DSCAML1: variants seen among roughly 807,000 people sequenced by gnomAD.
DSCAML1 encodes the protein cell adhesion molecule DSCAML1.
Under a neutral mutation model 200.5 loss-of-function variants are expected in DSCAML1, and 38 were observed. The observed-to-expected ratio is 0.19, with a 90% CI of 0.15 to 0.25. The LOEUF (loss-of-function observed/expected upper bound fraction) is 0.25, where lower values mean the gene tolerates loss of function less well. DSCAML1 is among the 10% of genes least tolerant of loss of function. The probability of loss-of-function intolerance (pLI) is 1.00; values close to 1 mark genes in which losing one functional copy is unlikely to be tolerated. For synonymous variants in DSCAML1, 1,215 were observed against 1,165.0 expected, an observed-to-expected ratio of 1.04 and a Z score of -0.87; for missense variants, 2,223 against 2,858.8, an observed-to-expected ratio of 0.78 and a Z score of 5.07.
chr11:117,811,256 G>A (rs2055758504), intron 1 of DSCAML1, among the ~76,000 whole-genome samples: 1 of 152,130 alleles, frequency 6.6e-6, no homozygotes, highest in South Asian at 2.1e-4. Flanking sequence ...ACCCTGAGAA[G>A]CTTTACAGCC....
rs1488926173 is a variant in DSCAML1 at position 117,469,851 on chromosome 11, G to A, written c.3024+59C>T. 5 of 1,506,640 alleles carry A rather than the reference G, an allele frequency of 3.3e-6. No individual in the cohort carries two copies. Among genetic ancestry groups the A allele is most frequent in the Non-Finnish European group, 4.5e-6 (5 of 1,108,004 alleles). 93.3% of individuals were successfully genotyped at this position (1,506,640 alleles called of 1,614,324 possible). A position where few individuals can be genotyped will look rare whatever the true frequency, so the allele number is the denominator to read the frequency against. ...CAAGCCTGCTGGGAGCTTTCGTCCT[G>A]GATTGAGGAGAGAGGAGGCAAGCAG... On this transcript the variant is annotated intron_variant, in intron 16 of 32. Coordinates refer to ENST00000651296, the MANE Select transcript of DSCAML1 (RefSeq NM_020693.4). The surrounding 1 kb of genome is among the most constrained non-coding windows in gnomAD (Gnocchi z 4.1).
chr11:117,649,795 C>T (rs79434556), intron 3 of DSCAML1, among the ~76,000 whole-genome samples: 2,317 of 152,288 alleles, frequency 0.015, 63 homozygotes, highest in African/African-American at 0.05. Flanking sequence ...CCGTAGGTTC[C>T]CTCTCCCTGA....
At chr11:117,544,681 GT>G (rs765758479) in intron 3 of DSCAML1, among the ~76,000 whole-genome samples, 4 of 152,184 alleles carry the variant, frequency 2.6e-5, no homozygotes, top group Admixed American at 6.5e-5. Context: ...CCTCAACTCA[GT>G]ACCCCAGAGG....
At chr11:117,703,915 G>C (rs1403917751) in intron 3 of DSCAML1, among the ~76,000 whole-genome samples, 1 of 152,194 alleles carries the variant, frequency 6.6e-6, no homozygotes, top group East Asian at 1.9e-4. Flanking sequence ...CTATGTGCCA[G>C]GCTCTGTGCC....
chr11:117,574,020 G>T (rs187375833), intron 3 of DSCAML1, among the ~76,000 whole-genome samples: 10 of 152,318 alleles, frequency 6.6e-5, no homozygotes, highest in Admixed American at 5.9e-4. Context: ...GCTTTCTGGA[G>T]CTGGGAAGGA....
chr11:117,741,396 G>T (rs2054421040), intron 3 of DSCAML1, among the ~76,000 whole-genome samples: 1 of 152,254 alleles, frequency 6.6e-6, no homozygotes, highest in Non-Finnish European at 1.5e-5. Flanking sequence ...AAAGACAATG[G>T]ATTGTTAGTT....
chr11:117,771,151 A>G (rs932418194), intron 3 of DSCAML1, among the ~76,000 whole-genome samples: 1 of 152,186 alleles, frequency 6.6e-6, no homozygotes, highest in Non-Finnish European at 1.5e-5. Flanking sequence ...CTCTGTGCCC[A>G]TCTCCCATTC....
intron 3 of DSCAML1, among the ~76,000 whole-genome samples, chr11:117,610,274 C>A (rs1292068118): frequency 6.6e-6 from 1 of 152,212 alleles, no homozygotes. Context: ...CTCCCGCCCC[C>A]TTTTGCGGCT....
chr11:117,482,085 G>A lies in DSCAML1; in HGVS notation c.2437C>T (p.Arg813Trp), dbSNP rs150629545. ...CGGATGATGATGGGCCGCTCACCCCGTGCCGTGCAGTTTAGCTCCTTCGCA... is the reference window on the plus strand; with the variant it reads ...CGGATGATGATGGGCCGCTCACCCCATGCCGTGCAGTTTAGCTCCTTCGCA... ...GHAKELNCTA[R>W]GERPIIIRWE... The change falls in exon 12 of 33, where the codon CGG (arginine) becomes TGG (tryptophan). Residue 813 changes from arginine to tryptophan, a missense_variant. By Grantham distance (101) the Arg-to-Trp change is moderately radical. Around this residue, in one of 7 missense-constraint regions of DSCAML1, gnomAD observed 438 missense variants for 629.7 expected, o/e 0.70. Transcript: ENST00000651296. 1.1e-5 allele frequency: 17 copies of A among 1,614,068 alleles called. No individual in the cohort carries two copies. Among genetic ancestry groups the A allele is most frequent in the Non-Finnish European group, 1.4e-5 (16 of 1,180,012 alleles).
intron 3 of DSCAML1, among the ~76,000 whole-genome samples, chr11:117,580,071 G>T (rs1014582942): frequency 6.6e-6 from 1 of 152,214 alleles, no homozygotes; most frequent in African/African-American, 2.4e-5. Flanking sequence ...GTGTCTCAGA[G>T]CTCAAGGTTG....
intron 3 of DSCAML1, among the ~76,000 whole-genome samples, chr11:117,639,249 C>T (rs1262384680): frequency 7.0e-6 from 1 of 141,942 alleles, no homozygotes; most frequent in East Asian, 2.3e-4. Context: ...GGATGGGAGG[C>T]TGGGTGGGAG....
chr11:117,745,538 G>A lies in DSCAML1; in HGVS notation c.511+31253C>T, dbSNP rs956448815. Among the ~76,000 whole-genome samples, 7 of 152,202 alleles carry A rather than the reference G, an allele frequency of 4.6e-5. No individual in the cohort carries two copies. The South Asian group carries it at 1.2e-3, about 27-fold the overall frequency. On this transcript the variant is annotated intron_variant, in intron 3 of 32. Coordinates refer to ENST00000651296, the MANE Select transcript of DSCAML1 (RefSeq NM_020693.4). Reference sequence around the variant, plus strand: ...TCTTCCCGGCCCTCCTAGTCTCACCGACCTACAGCATGCCCTGTTCACTGG... The same window carrying A: ...TCTTCCCGGCCCTCCTAGTCTCACCAACCTACAGCATGCCCTGTTCACTGG...
At chr11:117,549,683 C>T (rs938583359) in intron 3 of DSCAML1, among the ~76,000 whole-genome samples, 2 of 152,230 alleles carry the variant, frequency 1.3e-5, no homozygotes, top group Non-Finnish European at 2.9e-5. Flanking sequence ...TACATCGGTA[C>T]ACTCCGGAGC....
At chr11:117,808,063 G>A (rs576290906) in intron 1 of DSCAML1, among the ~76,000 whole-genome samples, 28 of 152,254 alleles carry the variant, frequency 1.8e-4, no homozygotes, top group Non-Finnish European at 3.1e-4. Context: ...CTCGTGATCC[G>A]CCCGCCTAGG....
chr11:117,657,885 G>C (rs969246632), intron 3 of DSCAML1, among the ~76,000 whole-genome samples: 2 of 152,144 alleles, frequency 1.3e-5, no homozygotes, highest in Non-Finnish European at 2.9e-5. Flanking sequence ...GAGGGAAAAG[G>C]ATGTTCTGCT....
At position 117,797,202 on chromosome 11, in the gene DSCAML1, G is replaced by GC. The variant is rs778625115; in HGVS notation, c.-124dup. The GC allele has an allele frequency of 3.9e-6, 6 of 1,524,100 alleles. No individual in the cohort carries two copies. The Admixed American group carries it at 1.2e-4, about 32-fold the overall frequency. 94.4% of individuals were successfully genotyped at this position (1,524,100 alleles called of 1,614,324 possible). A position where few individuals can be genotyped will look rare whatever the true frequency, so the allele number is the denominator to read the frequency against. ...GGCGCCCCGCTCTCTCTGCTCCTCAGCCCAGCGCTCGGCTGCGGCGGCGGC... is the reference window on the plus strand; with the variant it reads ...GGCGCCCCGCTCTCTCTGCTCCTCAGCCCCAGCGCTCGGCTGCGGCGGCGGC... On this transcript the variant is annotated 5_prime_UTR_variant, in exon 1 of 33. Transcript: ENST00000651296.
In DSCAML1 at chr11:117,439,376, T is replaced by C; in HGVS notation, c.4034A>G (p.Asn1345Ser). The change falls in exon 23 of 33, where the codon AAT becomes AGT. Residue 1345 changes from asparagine (N) to serine (S), a missense_variant. By Grantham distance (46) the Asn-to-Ser change is conservative. Transcript: ENST00000651296. The part of the protein sequence containing the change: ...SMDGHRLIHT[N>S]GTLLLRAVKA... ...CACTGCACGCAGCAGCAGTGTGCCA[T>C]TGGTGTGGATGAGCCGGTGCCCATC... 3 of 1,613,800 alleles carry C rather than the reference T, an allele frequency of 1.9e-6. No individual in the cohort carries two copies. The highest frequency in any genetic ancestry group is 8.5e-7 in the Non-Finnish European group (1 of 1,179,954).
At chr11:117,812,733 C>T (rs1380431343) in intron 1 of DSCAML1, among the ~76,000 whole-genome samples, 1 of 145,036 alleles carries the variant, frequency 6.9e-6, no homozygotes, top group African/African-American at 2.4e-5. Context: ...CGTGCTCTTC[C>T]TGCTGATCGT....
Position 117,504,004 on chromosome 11 carries a change from G to T in DSCAML1, c.2200C>A (p.Gln734Lys). 2 of 1,614,058 alleles carry T rather than the reference G, an allele frequency of 1.2e-6. No individual in the cohort carries two copies. The highest frequency in any genetic ancestry group is 1.1e-5 in the South Asian group (1 of 91,070). ...KHAKGSGNPQ[Q>K]YHPVPLTGRI... ...CCAGTGAGGGGCACAGGGTGGTACT[G>T]CTGGGGGTTCCCGCTCCCTGGAAGG... The change falls in exon 11 of 33, where the codon CAG becomes AAG. Residue 734 changes from glutamine (Q) to lysine (K), a missense_variant. Gln to Lys is a moderately conservative substitution (Grantham distance 53, BLOSUM62 1). Coordinates refer to ENST00000651296, the MANE Select transcript of DSCAML1 (RefSeq NM_020693.4). This position sits in a 1 kb window ranked among gnomAD's most constrained non-coding sequence, Gnocchi z 5.0.
Sources: gnomAD v4.1 joint callset for allele counts (sites outside exome capture counted in the v4.1 genomes callset) on GRCh38, gnomAD v4.1.1 for gene constraint, gnomAD v4.1.1 regional missense constraint, Gnocchi (gnomAD v3.1) non-coding constraint, MANE v1.5 for transcripts, NCBI Gene and HGNC (gene_info 2026-07-23, HGNC 2026-07-21) for gene names.